Variants in VIT observed in about 807,000 individuals in gnomAD.
VIT encodes the protein vitrin.
Under a neutral mutation model 78.0 loss-of-function variants are expected in VIT, and 99 were observed. The ratio of observed to expected loss-of-function variants is 1.27; its 90% CI spans 1.08 to 1.50. VIT has a LOEUF of 1.50. Ranked by LOEUF, VIT falls within the 40% of genes most tolerant of loss-of-function variation. VIT has a pLI of 0.00. For missense variants in VIT, 1,126 were observed against 875.3 expected (o/e 1.29, Z -3.61); for synonymous variants, 374 against 334.3 (o/e 1.12, Z -1.29).
At chr2:36,769,931 T>C (rs1460711375) in intron 7 of VIT, among the ~76,000 whole-genome samples, 1 of 152,238 alleles carries the variant, frequency 6.6e-6, no homozygotes, top group Non-Finnish European at 1.5e-5. Flanking sequence ...GATATTTCAG[T>C]CCAACTATAT....
At chr2:36,779,148 A>G (rs1169711820) in intron 9 of VIT, among the ~76,000 whole-genome samples, 2 of 152,214 alleles carry the variant, frequency 1.3e-5, no homozygotes, top group Non-Finnish European at 2.9e-5. Context: ...CCAGCTCTTC[A>G]GTGCCCTAAC....
chr2:36,805,320 A>C lies in VIT; in HGVS notation c.1163-118A>C, dbSNP rs528134992. ...CCCTGTCTCAAAGGAAAAAAAAAAA[A>C]AAAAAAACTAGGGAGGGAATGAGTG... On this transcript the variant is annotated intron_variant, in intron 13 of 15. Transcript: ENST00000379242. 1.4e-4 allele frequency: 165 copies of C among 1,200,402 alleles called. No homozygotes were observed. The African/African-American group carries it at 2.3e-3, about 17-fold the overall frequency. The allele number at this position is 1,200,402 out of a possible 1,614,324, so 74.4% of individuals were successfully genotyped here. A position where few individuals can be genotyped will look rare whatever the true frequency, so the allele number is the denominator to read the frequency against.
intron 4 of VIT, among the ~76,000 whole-genome samples, chr2:36,751,714 G>C (rs779161556): frequency 1.3e-5 from 2 of 152,180 alleles, no homozygotes; most frequent in African/African-American, 2.4e-5. Flanking sequence ...AAGGGCAGAA[G>C]AGAAGAGCTT....
intron 4 of VIT, among the ~76,000 whole-genome samples, chr2:36,753,141 G>A (rs556757261): frequency 1.4e-4 from 22 of 151,980 alleles, no homozygotes; most frequent in African/African-American, 5.1e-4. Flanking sequence ...TCACTTATAC[G>A]TGGGAGCTGC....
At position 36,783,406 on chromosome 2, in the gene VIT, A is replaced by G; in HGVS notation, c.910+4A>G. 6.2e-7 allele frequency: 1 copy of G among 1,614,074 alleles called. No homozygotes were observed. The highest frequency in any genetic ancestry group is 1.1e-5 in the South Asian group (1 of 91,068). On this transcript the variant is annotated splice_donor_region_variant and intron_variant, in intron 11 of 15. Coordinates refer to ENST00000379242, the MANE Select transcript of VIT (RefSeq NM_053276.4). ...CCAGTATCCCTGGGAGATCCAAGTA[A>G]GTTAATTGACAACTAGAAACCCACG...
At chr2:36,744,210 G>A (rs1459059093) in intron 4 of VIT, among the ~76,000 whole-genome samples, 1 of 152,152 alleles carries the variant, frequency 6.6e-6, no homozygotes, top group African/African-American at 2.4e-5. Flanking sequence ...ATCCATCACT[G>A]ATAGACACCT....
intron 4 of VIT, among the ~76,000 whole-genome samples, chr2:36,745,944 T>C (rs55720386): frequency 0.037 from 5,673 of 152,280 alleles, 162 homozygotes; most frequent in Middle Eastern, 0.054. Flanking sequence ...TGTGGATTTG[T>C]CATAGATAGC....
chr2:36,775,133 G>A, intron 9 of VIT, 66 bp downstream of exon 9: 1 of 1,580,154 alleles, frequency 6.3e-7, no homozygotes, highest in Non-Finnish European at 8.6e-7. Flanking sequence ...TTGCAAACAT[G>A]AGGACCTCCC....
At chr2:36,705,837 G>T (rs556144905) in intron 1 of VIT, among the ~76,000 whole-genome samples, 1 of 152,248 alleles carries the variant, frequency 6.6e-6, no homozygotes, top group South Asian at 2.1e-4. Flanking sequence ...GGCGCTATTG[G>T]CCTGTGGGGC....
At chr2:36,737,897 G>C (rs78752871) in intron 3 of VIT, among the ~76,000 whole-genome samples, 1 of 152,156 alleles carries the variant, frequency 6.6e-6, no homozygotes, top group Admixed American at 6.5e-5. Flanking sequence ...CCATGAAAAA[G>C]GAAGAGGATT....
At chr2:36,722,733 T>G (rs191746184) in intron 2 of VIT, among the ~76,000 whole-genome samples, 8 of 152,294 alleles carry the variant, frequency 5.3e-5, no homozygotes, top group African/African-American at 1.9e-4. Context: ...ACCTACTGAT[T>G]TGATTATTGA....
chr2:36,773,624 G>A (rs1391276268), intron 7 of VIT, among the ~76,000 whole-genome samples, 167 bp from the exon 8 acceptor site: 2 of 152,118 alleles, frequency 1.3e-5, no homozygotes, highest in African/African-American at 2.4e-5. Context: ...CCAGCTACTC[G>A]GGAGGCTGAG....
chr2:36,783,153 T>C (rs1664871577), intron 10 of VIT, among the ~76,000 whole-genome samples, 187 bp from the exon 11 acceptor site: 1 of 152,230 alleles, frequency 6.6e-6, no homozygotes, highest in African/African-American at 2.4e-5. Flanking sequence ...ACTATGTTTT[T>C]GATAGGCTGT....
At chr2:36,806,281 G>C (rs1452127728) in intron 14 of VIT, among the ~76,000 whole-genome samples, 2 of 152,176 alleles carry the variant, frequency 1.3e-5, no homozygotes, top group African/African-American at 4.8e-5. Flanking sequence ...GCCTTGGACA[G>C]GTTTGTCTTT....
rs1019514630 is a variant in VIT, at chr2:36,802,054, C to T, written c.1162+650C>T. Among the ~76,000 whole-genome samples, 7 of 152,264 alleles carry T rather than the reference C, an allele frequency of 4.6e-5. No individual in the cohort carries two copies. In the East Asian group the frequency reaches 7.7e-4, roughly 17 times the overall value. On this transcript the variant is annotated intron_variant, in intron 13 of 15. Transcript: ENST00000379242. ...TGAGAATCTTGTTCCAATCAACTAC[C>T]GTTGTAGTGATGATTGTGCAAAGAG...
At chr2:36,718,671 C>G (rs1666310849) in intron 2 of VIT, among the ~76,000 whole-genome samples, 1 of 152,154 alleles carries the variant, frequency 6.6e-6, no homozygotes, top group Non-Finnish European at 1.5e-5. Context: ...TGGCTCCTGT[C>G]AGATGGCCAT....
In VIT at chr2:36,814,363, T is replaced by A. The variant is rs781433745; in HGVS notation, c.*2T>A. The stretch of plus-strand genomic sequence containing the variant: ...TTCAACTCACAGCCTCGGAACTGAA[T>A]TCAGAGCAGGCAGAGCACCAGCAAG... On this transcript the variant is annotated 3_prime_UTR_variant, in exon 16 of 16. Transcript: ENST00000379242. The A allele has an allele frequency of 3.1e-6, 5 of 1,613,982 alleles. No individual in the cohort carries two copies. In the East Asian group the frequency reaches 6.7e-5, roughly 22 times the overall value.
chr2:36,713,204 A>G (rs1277639123), intron 1 of VIT, among the ~76,000 whole-genome samples: 1 of 152,226 alleles, frequency 6.6e-6, no homozygotes, highest in African/African-American at 2.4e-5. Context: ...GTCTCATGAC[A>G]GGTAACATTT....
chr2:36,783,955 G>T (rs1445721178), intron 11 of VIT, among the ~76,000 whole-genome samples: 1 of 152,132 alleles, frequency 6.6e-6, no homozygotes, highest in Non-Finnish European at 1.5e-5. Context: ...GACTACCCAG[G>T]TCTGACATTC....
Sources: allele counts gnomAD v4.1 joint callset (sites outside exome capture counted in the v4.1 genomes callset), GRCh38; gene constraint gnomAD v4.1.1; transcripts MANE v1.5; gene names NCBI Gene and HGNC (gene_info 2026-07-23, HGNC 2026-07-21).